The following MEGF11 variants were observed in gnomAD, a reference collection of about 807,000 sequenced individuals.
MEGF11 encodes multiple epidermal growth factor-like domains protein 11.
A neutral mutation model predicts 146.6 loss-of-function variants in MEGF11; 126 were observed. The ratio of observed to expected loss-of-function variants is 0.86; its 90% CI spans 0.74 to 1.00. MEGF11 has a LOEUF of 1.00. Among genes scored for constraint, MEGF11 ranks in the 50% least tolerant of loss-of-function variants. The pLI is 0.00. For synonymous variants in MEGF11, 532 were observed against 583.4 expected (o/e 0.91, Z 1.27); for missense variants, 1,509 against 1,521.2 (o/e 0.99, Z 0.13).
chr15:65,914,594 C>T (rs1233727141), intron 19 of MEGF11, among the ~76,000 whole-genome samples: 1 of 152,154 alleles, frequency 6.6e-6, no homozygotes, highest in Admixed American at 6.5e-5. Context: ...CCCCCACCCT[C>T]CATGCTGATG....
chr15:65,965,617 T>TTTTG (rs2081059427), intron 8 of MEGF11, among the ~76,000 whole-genome samples: 1 of 112,942 alleles, frequency 8.9e-6, no homozygotes, highest in African/African-American at 2.8e-5. Flanking sequence ...TTTTTTCTTT[T>TTTTG]TTTTTTTTTT....
At chr15:65,899,895 T>TGGTTTCCAAATATGAAA (rs2078451854) in intron 24 of MEGF11, among the ~76,000 whole-genome samples, 1 of 152,164 alleles carries the variant, frequency 6.6e-6, no homozygotes, top group African/African-American at 2.4e-5. Context: ...GGATGCAGGC[T>TGGTTTCCAAATATGAAA]GGTTTCCAAA....
intron 5 of MEGF11, among the ~76,000 whole-genome samples, chr15:66,027,248 C>T (rs140773113): frequency 5.3e-5 from 8 of 152,346 alleles, no homozygotes; most frequent in African/African-American, 1.4e-4. Flanking sequence ...GTTCAAATCC[C>T]GACTTTACCC....
At chr15:66,210,304 G>T (rs916990062) in intron 1 of MEGF11, among the ~76,000 whole-genome samples, 2 of 152,118 alleles carry the variant, frequency 1.3e-5, no homozygotes, top group African/African-American at 4.8e-5. Flanking sequence ...GTAAAGAGGC[G>T]CTCACTCTCA....
Position 66,100,027 on chromosome 15 carries a change from C to T in MEGF11, c.302-5533G>A, listed in dbSNP as rs190469856. Among the ~76,000 whole-genome samples the T allele has an allele frequency of 6.0e-4, 91 of 152,278 alleles. 1 individual carries two copies. Among genetic ancestry groups the T allele is most frequent in the African/African-American group, 2.1e-3 (89 of 41,544 alleles). ...GAGGAGCGTGGAATGAAAGGAGGCCCCAGTCCCACCTTCAGGCGCTTTGTC... is the reference window on the plus strand; with the variant it reads ...GAGGAGCGTGGAATGAAAGGAGGCCTCAGTCCCACCTTCAGGCGCTTTGTC... On this transcript the variant is annotated intron_variant, in intron 4 of 25. Coordinates refer to ENST00000395614, the MANE Select transcript of MEGF11 (RefSeq NM_001385028.1).
At chr15:66,038,870 G>GA in intron 5 of MEGF11, among the ~76,000 whole-genome samples, 1 of 152,272 alleles carries the variant, frequency 6.6e-6, no homozygotes, top group Admixed American at 6.5e-5. Context: ...AGCAGGAGGG[G>GA]AAAAAAGAAG....
At position 65,896,029 on chromosome 15, in the gene MEGF11, G is replaced by C. The variant is rs1596803056; in HGVS notation, c.*1905C>G. ...AGGGAAGAAGAGAAAACCTGGGATT[G>C]AGTTGAAGTTTCTCCTTGCTGATCT... On this transcript the variant is annotated 3_prime_UTR_variant, in exon 26 of 26. Coordinates refer to ENST00000395614, the MANE Select transcript of MEGF11 (RefSeq NM_001385028.1). 1 of 152,228 alleles carries C rather than the reference G, an allele frequency of 6.6e-6. No homozygotes were observed. Among genetic ancestry groups the C allele is most frequent in the Non-Finnish European group, 1.5e-5 (1 of 68,040 alleles). The allele number at this position is 152,228 out of a possible 1,614,324, so 9.4% of individuals were successfully genotyped here. A position where few individuals can be genotyped will look rare whatever the true frequency, so the allele number is the denominator to read the frequency against.
intron 5 of MEGF11, among the ~76,000 whole-genome samples, chr15:66,036,792 C>T (rs1320072370): frequency 1.3e-5 from 2 of 152,226 alleles, no homozygotes; most frequent in Non-Finnish European, 2.9e-5. Flanking sequence ...CATCACCATC[C>T]ACTCCCAAAG....
chr15:66,101,010 C>T (rs1388000352), intron 4 of MEGF11, among the ~76,000 whole-genome samples: 1 of 25,552 alleles, frequency 3.9e-5, no homozygotes, highest in East Asian at 1.1e-3. Flanking sequence ...TGGATGGGCA[C>T]GTGGGTGGGT....
At chr15:66,165,838 C>A (rs2090083318) in intron 1 of MEGF11, among the ~76,000 whole-genome samples, 1 of 152,168 alleles carries the variant, frequency 6.6e-6, no homozygotes, top group African/African-American at 2.4e-5. Context: ...CCAGAGACAC[C>A]TTGCCCAGGC....
chr15:65,984,550 A>AAAG (rs1555458727), intron 5 of MEGF11, among the ~76,000 whole-genome samples: 1 of 148,736 alleles, frequency 6.7e-6, no homozygotes, highest in Non-Finnish European at 1.5e-5. Context: ...AAAAAAAAAA[A>AAAG]GGCTCACAGG....
rs761019464 is a variant in MEGF11, at chr15:65,918,046, C to T, written c.2006G>A (p.Cys669Tyr). Residue 669 changes from cysteine (C) to tyrosine (Y), a missense_variant, in exon 16 of 26, where the codon TGT (cysteine) becomes TAT (tyrosine). Transcript: ENST00000395614. ...FGQDCAQLCS[C>Y]ANNGTCSPID... ...AGGGCTGCAGGTCCCGTTGTTGGCA[C>T]AGGAGCAGAGCTGGGCACAGTCCTG... 4 of 1,613,888 alleles carry T rather than the reference C, an allele frequency of 2.5e-6. No individual in the cohort carries two copies. The highest frequency in any genetic ancestry group is 2.7e-5 in the African/African-American group (2 of 74,920).
Position 65,911,818 on chromosome 15 carries a change from T to G in MEGF11, c.2829+264A>C, listed in dbSNP as rs187431398. ...GATTACATGACTTGGTACCAGTTGG[T>G]TACACACAGGGTACAGGGGTATATG... is the stretch of plus-strand genomic sequence containing the variant. On this transcript the variant is annotated intron_variant, in intron 21 of 25. Transcript: ENST00000395614. Among the ~76,000 whole-genome samples the G allele has an allele frequency of 1.1e-4, 16 of 152,334 alleles. No homozygotes were observed. The East Asian group carries it at 3.1e-3, about 29-fold the overall frequency.
At chr15:65,902,035 G>T (rs1265286097) in intron 24 of MEGF11, 4 of 152,174 alleles carry the variant, frequency 2.6e-5, no homozygotes, top group African/African-American at 9.7e-5. Context: ...AACTGTATCT[G>T]CAGCAGCTAC....
At chr15:65,974,791 C>T (rs901449683) in intron 7 of MEGF11, among the ~76,000 whole-genome samples, 4 of 152,130 alleles carry the variant, frequency 2.6e-5, no homozygotes, top group Admixed American at 2.0e-4. Flanking sequence ...GTCTTTCTGG[C>T]TTCTATCTGA....
intron 5 of MEGF11, among the ~76,000 whole-genome samples, chr15:66,017,110 T>C (rs1039106124): frequency 3.3e-5 from 5 of 152,084 alleles, no homozygotes; most frequent in African/African-American, 1.2e-4. Flanking sequence ...GTGCGATCGA[T>C]TAAATTATCA....
chr15:66,019,552 C>G (rs906653520), intron 5 of MEGF11, among the ~76,000 whole-genome samples: 5 of 152,238 alleles, frequency 3.3e-5, no homozygotes, highest in Non-Finnish European at 7.3e-5. Flanking sequence ...AGGAACCCAG[C>G]AGCTCTGAGG....
chr15:66,114,034 T>G (rs1176024215), intron 4 of MEGF11, among the ~76,000 whole-genome samples: 1 of 152,214 alleles, frequency 6.6e-6, no homozygotes, highest in Non-Finnish European at 1.5e-5. Context: ...CCCAGCAGTC[T>G]GTGGTATAAC....
intron 10 of MEGF11, among the ~76,000 whole-genome samples, chr15:65,936,085 G>A (rs1034070329): frequency 6.6e-6 from 1 of 152,176 alleles, no homozygotes; most frequent in Non-Finnish European, 1.5e-5. Context: ...AAGTCTACAT[G>A]GGTTGGCATT....
Sources: allele counts gnomAD v4.1 joint callset (sites outside exome capture counted in the v4.1 genomes callset), GRCh38; gene constraint gnomAD v4.1.1; transcripts MANE v1.5; gene names NCBI Gene and HGNC (gene_info 2026-07-23, HGNC 2026-07-21).